Variants in ALK observed in about 807,000 individuals in gnomAD.
ALK encodes ALK tyrosine kinase receptor.
In ALK, 74 loss-of-function variants were observed where a neutral mutation model predicts 163.1. That is an observed-to-expected ratio of 0.45 (90% confidence interval 0.38 to 0.55). The LOEUF (loss-of-function observed/expected upper bound fraction) is 0.55. ALK is among the 20% of genes least tolerant of loss of function. The pLI is 0.00. For missense variants in ALK, 2,063 were observed against 2,105.3 expected (o/e 0.98, Z 0.39); for synonymous variants, 960 against 843.2 (o/e 1.14, Z -2.40).
At chr2:29,696,344 T>C (rs184208204) in intron 2 of ALK, among the ~76,000 whole-genome samples, 5 of 151,700 alleles carry the variant, frequency 3.3e-5, no homozygotes, top group Admixed American at 3.3e-4. Flanking sequence ...TGAGAACACA[T>C]GGACACAGGG....
intron 4 of ALK, among the ~76,000 whole-genome samples, chr2:29,511,175 A>C (rs1456134261): frequency 6.6e-6 from 1 of 152,112 alleles, no homozygotes; most frequent in African/African-American, 2.4e-5. Flanking sequence ...CAGGTTGATG[A>C]GTTTTAATAG....
chr2:29,428,565 C>T (rs1268126251), intron 4 of ALK, among the ~76,000 whole-genome samples: 1 of 151,604 alleles, frequency 6.6e-6, no homozygotes, highest in East Asian at 1.9e-4. Flanking sequence ...GAAACTGACT[C>T]AAGAAGAAAT....
intron 3 of ALK, among the ~76,000 whole-genome samples, chr2:29,629,468 A>G (rs1676294817): frequency 6.6e-6 from 1 of 152,144 alleles, no homozygotes; most frequent in South Asian, 2.1e-4. Context: ...GGAATATAGA[A>G]CTTTCCTACA....
chr2:29,216,849 GTGTGTGTTGTA>G (rs1669626713), intron 23 of ALK, among the ~76,000 whole-genome samples: 1 of 150,560 alleles, frequency 6.6e-6, no homozygotes, highest in Non-Finnish European at 1.5e-5. Context: ...AGTATATATG[GTGTGTGTTGTA>G]TGTGTGTGGT....
intron 3 of ALK, among the ~76,000 whole-genome samples, chr2:29,540,968 GA>G (rs1444016637): frequency 6.6e-6 from 1 of 152,110 alleles, no homozygotes; most frequent in Non-Finnish European, 1.5e-5. Context: ...GAAATCTGAA[GA>G]TGCTTCAGAG....
At position 29,850,120 on chromosome 2, in the gene ALK, C is replaced by T. The variant is rs907199586; in HGVS notation, c.667+69873G>A. 5.9e-5 allele frequency among the ~76,000 whole-genome samples: 9 copies of T among 152,332 alleles called. No individual in the cohort carries two copies. In the East Asian group the frequency reaches 7.7e-4, roughly 13 times the overall value. On this transcript the variant is annotated intron_variant, in intron 1 of 28. Coordinates refer to ENST00000389048, the MANE Select transcript of ALK (RefSeq NM_004304.5). ...AGACAAATCAATGGCAGTGTATACA[C>T]GTCACCTGATGGAATATCACACAGC...
chr2:29,222,056 G>GA (rs1669818096), intron 22 of ALK, among the ~76,000 whole-genome samples: 1 of 152,178 alleles, frequency 6.6e-6, no homozygotes, highest in Non-Finnish European at 1.5e-5. Flanking sequence ...CATTTCTTAA[G>GA]AAAAAGTGAG....
chr2:29,565,649 C>T (rs1281926932), intron 3 of ALK, among the ~76,000 whole-genome samples: 1 of 152,168 alleles, frequency 6.6e-6, no homozygotes, highest in African/African-American at 2.4e-5. Flanking sequence ...TCACCAGCCA[C>T]CACGTTGCCC....
chr2:29,397,659 T>C (rs1669343376), intron 4 of ALK, among the ~76,000 whole-genome samples: 1 of 152,230 alleles, frequency 6.6e-6, no homozygotes, highest in Non-Finnish European at 1.5e-5. Flanking sequence ...AGAAAACAAC[T>C]TATTTCTTGC....
At chr2:29,548,200 G>A (rs1411523333) in intron 3 of ALK, among the ~76,000 whole-genome samples, 2 of 152,160 alleles carry the variant, frequency 1.3e-5, no homozygotes, top group Non-Finnish European at 2.9e-5. Context: ...ACAGCCGAGC[G>A]CGGTGGCTCA....
chr2:29,466,494 T>G (rs1480866624), intron 4 of ALK, among the ~76,000 whole-genome samples: 1 of 152,236 alleles, frequency 6.6e-6, no homozygotes, highest in African/African-American at 2.4e-5. Context: ...TAAAATGTCA[T>G]TATGTTTTTT....
At chr2:29,840,506 G>A (rs976441224) in intron 1 of ALK, among the ~76,000 whole-genome samples, 4 of 152,124 alleles carry the variant, frequency 2.6e-5, no homozygotes, top group African/African-American at 4.8e-5. Context: ...ATCTGGTTTT[G>A]CTTAGTTTCT....
At chr2:29,914,083 G>GA (rs1409599641) in intron 1 of ALK, among the ~76,000 whole-genome samples, 2 of 152,026 alleles carry the variant, frequency 1.3e-5, no homozygotes, top group Admixed American at 6.5e-5. Flanking sequence ...CCTTCTGTAG[G>GA]AAAAAAGAAC....
At chr2:29,252,849 A>G (rs894707875) in intron 11 of ALK, among the ~76,000 whole-genome samples, 3 of 150,346 alleles carry the variant, frequency 2.0e-5, no homozygotes, top group African/African-American at 7.4e-5. Context: ...TTTTTTAGAC[A>G]CAGGGTCTCA....
intron 11 of ALK, among the ~76,000 whole-genome samples, chr2:29,268,841 C>G (rs879783680): frequency 1.3e-5 from 2 of 152,184 alleles, no homozygotes; most frequent in African/African-American, 4.8e-5. Context: ...CATAATCTTT[C>G]TGATCCTCTG....
At position 29,196,942 on chromosome 2, in the gene ALK, C is replaced by T. The variant is rs950455017; in HGVS notation, c.4074-82G>A. ...TTTTCTTCCAGCCCCAGGGTTGCAA[C>T]GAATACGTTGAGGGTGCGAACTCGT... On this transcript the variant is annotated intron_variant, in intron 27 of 28. Coordinates refer to ENST00000389048, the MANE Select transcript of ALK (RefSeq NM_004304.5). 8 of 1,224,904 alleles carry T rather than the reference C, an allele frequency of 6.5e-6. No homozygotes were observed. The Admixed American group carries it at 7.2e-5, about 11-fold the overall frequency. 75.9% of individuals were successfully genotyped at this position (1,224,904 alleles called of 1,614,324 possible). A position where few individuals can be genotyped will look rare whatever the true frequency, so the allele number is the denominator to read the frequency against.
intron 4 of ALK, among the ~76,000 whole-genome samples, chr2:29,460,434 A>G (rs1170643331): frequency 3.9e-5 from 6 of 152,158 alleles, no homozygotes; most frequent in Admixed American, 3.9e-4. Context: ...CATTTTTTAC[A>G]AACTGAAGAT....
At chr2:29,539,508 T>C (rs1289322738) in intron 3 of ALK, among the ~76,000 whole-genome samples, 1 of 152,162 alleles carries the variant, frequency 6.6e-6, no homozygotes, top group Non-Finnish European at 1.5e-5. Context: ...TTGTTTTACT[T>C]TGATTATTCT....
At chr2:29,426,186 T>A (rs1219628489) in intron 4 of ALK, among the ~76,000 whole-genome samples, 2 of 152,114 alleles carry the variant, frequency 1.3e-5, no homozygotes, top group African/African-American at 4.8e-5. Flanking sequence ...AGCAGTGTCA[T>A]CCTAGGATGA....
Sources: gnomAD v4.1 joint callset for allele counts (sites outside exome capture counted in the v4.1 genomes callset) on GRCh38, gnomAD v4.1.1 for gene constraint, MANE v1.5 for transcripts, NCBI Gene and HGNC (gene_info 2026-07-23, HGNC 2026-07-21) for gene names.